Variants in PGM5 observed in about 807,000 individuals in gnomAD.
The protein encoded by PGM5 is phosphoglucomutase 5, also known as phosphoglucomutase-like protein 5.
In PGM5, 23 loss-of-function variants were observed where a neutral mutation model predicts 59.2. The observed-to-expected ratio is 0.39, with a 90% confidence interval of 0.28 to 0.55. The LOEUF (loss-of-function observed/expected upper bound fraction) is 0.55, where lower values mean the gene tolerates loss of function less well. Ranked by LOEUF, PGM5 falls within the 20% of genes least tolerant of loss-of-function variation. The pLI is 0.66. For missense variants in PGM5, 574 were observed against 748.3 expected, an observed-to-expected ratio of 0.77 and a Z score of 2.72; for synonymous variants, 214 against 286.0, an observed-to-expected ratio of 0.75 and a Z score of 2.54.
chr9:68,454,539 C>A (rs1357450558), intron 6 of PGM5, among the ~76,000 whole-genome samples: 2 of 152,336 alleles, frequency 1.3e-5, no homozygotes, highest in East Asian at 1.9e-4. Flanking sequence ...TGAGGCCGAT[C>A]ACTCTTGCCG....
chr9:68,395,644 A>G (rs1554679906), intron 6 of PGM5: 2 of 152,046 alleles, frequency 1.3e-5, no homozygotes, highest in Admixed American at 6.6e-5. Flanking sequence ...TAATGTAGAG[A>G]TCTTATACAA....
intron 6 of PGM5, among the ~76,000 whole-genome samples, chr9:68,427,647 G>A (rs1823260944): frequency 6.6e-6 from 1 of 152,180 alleles, no homozygotes. Flanking sequence ...GCCTATTGCT[G>A]GAAAATTTGA....
At chr9:68,387,799 G>A (rs1295660670) in intron 4 of PGM5, among the ~76,000 whole-genome samples, 1 of 151,888 alleles carries the variant, frequency 6.6e-6, no homozygotes, top group Non-Finnish European at 1.5e-5. Context: ...TGAGTTTGAG[G>A]CTATGCATGT....
chr9:68,385,242 CT>C (rs1246572522), intron 3 of PGM5, among the ~76,000 whole-genome samples: 1 of 151,588 alleles, frequency 6.6e-6, no homozygotes, highest in Admixed American at 6.6e-5. Context: ...CATTTTCCCC[CT>C]GTATTTTATC....
At chr9:68,523,569 G>A (rs1824929425) in intron 10 of PGM5, among the ~76,000 whole-genome samples, 1 of 152,224 alleles carries the variant, frequency 6.6e-6, no homozygotes, top group African/African-American at 2.4e-5. Context: ...TGGGAGTGTT[G>A]TTAGTTGATC....
chr9:68,445,586 A>G (rs553764169), intron 6 of PGM5, among the ~76,000 whole-genome samples: 4 of 152,278 alleles, frequency 2.6e-5, no homozygotes, highest in African/African-American at 9.6e-5. Flanking sequence ...CTCTCCTTAC[A>G]CTTGCTCACT....
intron 6 of PGM5, among the ~76,000 whole-genome samples, chr9:68,402,779 G>A (rs1212913547): frequency 7.9e-5 from 12 of 152,254 alleles, no homozygotes; most frequent in African/African-American, 2.6e-4. Flanking sequence ...TAGGCCTGAA[G>A]GTACTTCTGG....
intron 6 of PGM5, among the ~76,000 whole-genome samples, chr9:68,438,510 C>T (rs1234291882): frequency 1.3e-5 from 2 of 152,090 alleles, no homozygotes; most frequent in Admixed American, 6.5e-5. Context: ...GAAAAAGCTT[C>T]CCATTTAGTT....
At chr9:68,380,388 C>T (rs364514) in intron 2 of PGM5, among the ~76,000 whole-genome samples, 2,444 of 151,518 alleles carry the variant, frequency 0.016, 71 homozygotes, top group African/African-American at 0.056. Context: ...TTAAAAAATA[C>T]TTTGAGATTA....
At chr9:68,521,257 A>G (rs11142741) in intron 10 of PGM5, among the ~76,000 whole-genome samples, 3 of 152,386 alleles carry the variant, frequency 2.0e-5, no homozygotes, top group East Asian at 3.9e-4. Context: ...TTGGAATAGC[A>G]CTTGGCACAT....
rs1030742741 is a variant in PGM5, at chr9:68,529,938, A to G, written c.*282A>G. The G allele has an allele frequency of 7.1e-6, 2 of 281,272 alleles. No individual in the cohort carries two copies. The highest frequency in any genetic ancestry group is 1.3e-5 in the Non-Finnish European group (2 of 150,360). 17.4% of individuals were successfully genotyped at this position (281,272 alleles called of 1,614,324 possible). A position where few individuals can be genotyped will look rare whatever the true frequency, so the allele number is the denominator to read the frequency against. On this transcript the variant is annotated 3_prime_UTR_variant, in exon 11 of 11. Coordinates refer to ENST00000396396, the MANE Select transcript of PGM5 (RefSeq NM_021965.4). Reference sequence around the variant, plus strand: ...CAAAGGAACCTCCCCTTTTGACAACAACTGGGCTAGGCAGCTGTTAATCAC... The same window carrying G: ...CAAAGGAACCTCCCCTTTTGACAACGACTGGGCTAGGCAGCTGTTAATCAC...
At chr9:68,409,791 G>A (rs1378786823) in intron 6 of PGM5, among the ~76,000 whole-genome samples, 1 of 143,038 alleles carries the variant, frequency 7.0e-6, no homozygotes, top group Non-Finnish European at 1.5e-5. Context: ...CGAGTTAGTG[G>A]GTGCAGCCCA....
At position 68,364,356 on chromosome 9, in the gene PGM5, G is replaced by T. The variant is rs1451395128; in HGVS notation, c.261+6968G>T. 3.0e-4 allele frequency among the ~76,000 whole-genome samples: 46 copies of T among 152,290 alleles called. 1 individual carries two copies. Among genetic ancestry groups the T allele is most frequent in the African/African-American group, 1.1e-3 (45 of 41,552 alleles). On this transcript the variant is annotated intron_variant, in intron 1 of 10. Transcript: ENST00000396396. ...AGAACTATCTGGGGAACAAATTCTT[G>T]GGGTGGAAGAAAGAAGGGAGGGAGA... is the stretch of plus-strand genomic sequence containing the variant.
chr9:68,358,521 C>A (rs558665505), intron 1 of PGM5, among the ~76,000 whole-genome samples: 15 of 152,224 alleles, frequency 9.9e-5, no homozygotes, highest in Non-Finnish European at 2.1e-4. Flanking sequence ...CAGACCCACA[C>A]TCATAGAACT....
At position 68,437,616 on chromosome 9, in the gene PGM5, C is replaced by T. The variant is rs1823460935; in HGVS notation, c.1044-27477C>T. Reference sequence around the variant, plus strand: ...ACACACACACTCTCACACATTTTACCCACACATGCATATACTGTATATACA... The same window carrying T: ...ACACACACACTCTCACACATTTTACTCACACATGCATATACTGTATATACA... On this transcript the variant is annotated intron_variant, in intron 6 of 10. Transcript: ENST00000396396. This position sits in a 1 kb window ranked among gnomAD's most constrained non-coding sequence, Gnocchi z 4.1. Among the ~76,000 whole-genome samples the T allele has an allele frequency of 6.6e-6, 1 of 151,838 alleles. No individual in the cohort carries two copies. Among genetic ancestry groups the T allele is most frequent in the Non-Finnish European group, 1.5e-5 (1 of 67,944 alleles).
chr9:68,371,677 T>C (rs1389806187), intron 1 of PGM5: 1 of 152,136 alleles, frequency 6.6e-6, no homozygotes, highest in Non-Finnish European at 1.5e-5. Flanking sequence ...TCAAGACTCA[T>C]ACCTATGCCT....
At chr9:68,448,651 C>T (rs1823650101) in intron 6 of PGM5, among the ~76,000 whole-genome samples, 1 of 152,182 alleles carries the variant, frequency 6.6e-6, no homozygotes, top group South Asian at 2.1e-4. Flanking sequence ...GATAATCCTT[C>T]TTACGCCCAT....
intron 6 of PGM5, among the ~76,000 whole-genome samples, chr9:68,464,195 C>A (rs1564012293): frequency 6.6e-6 from 1 of 152,158 alleles, no homozygotes; most frequent in East Asian, 1.9e-4. Context: ...TATATATACA[C>A]CCTGTTGAGC....
In PGM5 at chr9:68,357,218, A is replaced by G; in HGVS notation, c.91A>G (p.Thr31Ala). The stretch of plus-strand genomic sequence containing the variant: ...CGGCGGCGGGGGTCTGCGGCGACCC[A>G]CCGGCCTCTTCGAGGGCCAGCGCAA... ...PAGGGGLRRP[T>A]GLFEGQRNYL... Residue 31 changes from threonine (T) to alanine (A), a missense_variant, in exon 1 of 11, where the codon ACC becomes GCC. Around this residue, in one of 7 missense-constraint regions of PGM5, gnomAD observed 60 missense variants for 71.0 expected, o/e 0.85. Transcript: ENST00000396396. 2 of 1,540,782 alleles carry G rather than the reference A, an allele frequency of 1.3e-6. No individual in the cohort carries two copies. Among genetic ancestry groups the G allele is most frequent in the Non-Finnish European group, 8.7e-7 (1 of 1,145,900 alleles).
Sources: gnomAD v4.1 joint callset for allele counts (sites outside exome capture counted in the v4.1 genomes callset) on GRCh38, gnomAD v4.1.1 for gene constraint, gnomAD v4.1.1 regional missense constraint, Gnocchi (gnomAD v3.1) non-coding constraint, MANE v1.5 for transcripts, NCBI Gene and HGNC (gene_info 2026-07-23, HGNC 2026-07-21) for gene names.